Variants in GRID2 observed in about 807,000 individuals in gnomAD.
GRID2 encodes the protein glutamate receptor ionotropic, delta-2.
GRID2 carries 33 observed loss-of-function variants against 114.8 expected under a neutral mutation model. The observed-to-expected ratio is 0.29, with a 90% CI of 0.22 to 0.38. GRID2 has a LOEUF of 0.38. GRID2 is among the 10% of genes least tolerant of loss of function. GRID2 has a pLI of 1.00. For missense variants in GRID2, 1,184 were observed against 1,257.7 expected, an observed-to-expected ratio of 0.94 and a Z score of 0.89; for synonymous variants, 505 against 449.9, an observed-to-expected ratio of 1.12 and a Z score of -1.55.
chr4:93,673,636 T>C (rs1379827819), intron 14 of GRID2, among the ~76,000 whole-genome samples: 1 of 152,220 alleles, frequency 6.6e-6, no homozygotes, highest in Non-Finnish European at 1.5e-5. Context: ...TGTAGACAGA[T>C]CTTTCCTTGT....
intron 9 of GRID2, among the ~76,000 whole-genome samples, chr4:93,395,979 A>G (rs1765293320): frequency 6.6e-6 from 1 of 151,994 alleles, no homozygotes; most frequent in South Asian, 2.1e-4. Flanking sequence ...ACACATGACA[A>G]AGTAAAGGTA....
chr4:93,500,618 C>G (rs577627570), intron 12 of GRID2, among the ~76,000 whole-genome samples: 2 of 151,896 alleles, frequency 1.3e-5, no homozygotes, highest in East Asian at 3.9e-4. Context: ...CTCATTTTCC[C>G]CAAAGATAAA....
chr4:93,208,889 T>C (rs971123309), intron 5 of GRID2, among the ~76,000 whole-genome samples: 2 of 151,978 alleles, frequency 1.3e-5, no homozygotes, highest in Admixed American at 6.6e-5. Context: ...GTGGAATAAC[T>C]AAACGTTGGG....
At chr4:92,927,802 C>A (rs1749928677) in intron 2 of GRID2, among the ~76,000 whole-genome samples, 1 of 151,598 alleles carries the variant, frequency 6.6e-6, no homozygotes, top group African/African-American at 2.4e-5. Context: ...AATATTTATA[C>A]AACACTTCTC....
rs182580656 is a variant in GRID2, at chr4:93,258,631, C to A, written c.1245+20141C>A. On this transcript the variant is annotated intron_variant, in intron 8 of 15. Coordinates refer to ENST00000282020, the MANE Select transcript of GRID2 (RefSeq NM_001510.4). Reference sequence around the variant, plus strand: ...GTGCATTATGATAAGATTTGAAAAGCAGCAGGATGGTGCTTATCTTGACCC... The same window carrying A: ...GTGCATTATGATAAGATTTGAAAAGAAGCAGGATGGTGCTTATCTTGACCC... Among the ~76,000 whole-genome samples, 179 of 151,750 alleles carry A rather than the reference C, an allele frequency of 1.2e-3. 3 individuals carry two copies. Among genetic ancestry groups the A allele is most frequent in the African/African-American group, 4.3e-3 (177 of 41,492 alleles).
chr4:92,375,886 T>C (rs1374201706), intron 1 of GRID2, among the ~76,000 whole-genome samples: 2 of 152,170 alleles, frequency 1.3e-5, no homozygotes, highest in African/African-American at 4.8e-5. Context: ...AAAACTAATA[T>C]AAGCACATTA....
chr4:93,429,002 A>G (rs1325811340), intron 10 of GRID2, among the ~76,000 whole-genome samples: 2 of 152,196 alleles, frequency 1.3e-5, no homozygotes, highest in East Asian at 3.9e-4. Context: ...CTGATGTGTC[A>G]GTTGATTGTA....
At chr4:92,909,115 A>AT (rs960527485) in intron 2 of GRID2, among the ~76,000 whole-genome samples, 2 of 152,134 alleles carry the variant, frequency 1.3e-5, no homozygotes, top group African/African-American at 4.8e-5. Flanking sequence ...GATATACCTT[A>AT]TCATATCTTT....
At chr4:93,045,358 T>G (rs961096833) in intron 2 of GRID2, among the ~76,000 whole-genome samples, 4 of 152,090 alleles carry the variant, frequency 2.6e-5, no homozygotes, top group African/African-American at 9.7e-5. Context: ...CTGCCTAGTT[T>G]CCCTCAGTTT....
At chr4:93,787,354 G>C (rs1320254507) in intron 1 of GRID2, among the ~76,000 whole-genome samples, 2 of 152,070 alleles carry the variant, frequency 1.3e-5, no homozygotes, top group Non-Finnish European at 2.9e-5. Context: ...GCCAATAGTA[G>C]TAGAAATGAA....
intron 8 of GRID2, among the ~76,000 whole-genome samples, chr4:93,328,270 GC>G (rs201551467): frequency 1.8e-3 from 227 of 127,178 alleles, no homozygotes; most frequent in African/African-American, 5.7e-3. Context: ...TATGTGATCT[GC>G]CCCTGTTTAT....
intron 2 of GRID2, among the ~76,000 whole-genome samples, chr4:92,696,772 AAT>A (rs1734442991): frequency 3.3e-5 from 5 of 152,126 alleles, no homozygotes; most frequent in Non-Finnish European, 5.9e-5. Flanking sequence ...TTAGACCTGT[AAT>A]TGAAAGAGAC....
intron 4 of GRID2, among the ~76,000 whole-genome samples, chr4:93,111,739 A>G (rs1460893745): frequency 8.1e-6 from 1 of 122,922 alleles, no homozygotes; most frequent in Non-Finnish European, 1.7e-5. Context: ...ACGGGAATTT[A>G]TTTGTTTAAT....
chr4:93,507,852 A>G (rs904083030), intron 12 of GRID2, among the ~76,000 whole-genome samples: 2 of 152,150 alleles, frequency 1.3e-5, no homozygotes, highest in African/African-American at 4.8e-5. Context: ...TATTTTACAT[A>G]TGTGGCAAAA....
intron 5 of GRID2, among the ~76,000 whole-genome samples, chr4:93,215,318 G>A (rs1744070699): frequency 6.6e-6 from 1 of 151,954 alleles, no homozygotes; most frequent in South Asian, 2.1e-4. Context: ...GTTCCTGTCT[G>A]TATCATTTGG....
At position 93,353,335 on chromosome 4, in the gene GRID2, G is replaced by A. The variant is rs149250253; in HGVS notation, c.1246-42272G>A. On this transcript the variant is annotated intron_variant, in intron 8 of 15. Transcript: ENST00000282020. ...CTGGAAAAATTAATCATGTTTCCCC[G>A]CAGTCAGAGCTAGCCAGGAAAAGTA... 1.4e-4 allele frequency among the ~76,000 whole-genome samples: 21 copies of A among 152,106 alleles called. 1 individual carries two copies. The East Asian group carries it at 3.3e-3, about 24-fold the overall frequency.
chr4:92,517,180 A>G (rs934380065), intron 1 of GRID2, among the ~76,000 whole-genome samples: 4 of 143,000 alleles, frequency 2.8e-5, no homozygotes, highest in Admixed American at 7.1e-5. Context: ...AACCCTACTC[A>G]TAATAAGATC....
At chr4:92,556,032 A>T (rs1180355377) in intron 1 of GRID2, among the ~76,000 whole-genome samples, 1 of 152,094 alleles carries the variant, frequency 6.6e-6, no homozygotes, top group Non-Finnish European at 1.5e-5. Flanking sequence ...GCCCTGAAGG[A>T]GACCCAAATC....
intron 2 of GRID2, among the ~76,000 whole-genome samples, chr4:92,982,544 T>C (rs931170124): frequency 1.3e-5 from 2 of 152,108 alleles, no homozygotes; most frequent in Non-Finnish European, 2.9e-5. Context: ...TCCCAAATTC[T>C]GATTCTTCTG....
Sources: gnomAD v4.1 joint callset for allele counts (sites outside exome capture counted in the v4.1 genomes callset) on GRCh38, gnomAD v4.1.1 for gene constraint, MANE v1.5 for transcripts, NCBI Gene and HGNC (gene_info 2026-07-23, HGNC 2026-07-21) for gene names.